The following WWOX variants were observed in gnomAD, a reference collection of about 807,000 sequenced individuals.
The protein encoded by WWOX is WW domain-containing oxidoreductase.
WWOX carries 69 observed loss-of-function variants against 46.2 expected under a neutral mutation model. That is an observed-to-expected ratio of 1.49 (90% CI 1.23 to 1.82). The LOEUF (loss-of-function observed/expected upper bound fraction) is 1.82, where lower values mean the gene tolerates loss of function less well. WWOX is among the 40% of genes most tolerant of loss of function. The pLI is 0.00. For synonymous variants in WWOX, 359 were observed against 202.6 expected, an observed-to-expected ratio of 1.77 and a Z score of -6.56; for missense variants, 919 against 542.6, an observed-to-expected ratio of 1.69 and a Z score of -6.89.
At chr16:78,839,184 A>G (rs1250090088) in intron 8 of WWOX, among the ~76,000 whole-genome samples, 1 of 152,206 alleles carries the variant, frequency 6.6e-6, no homozygotes, top group South Asian at 2.1e-4. Flanking sequence ...GAAAAATTCA[A>G]CAAGTAAATT....
chr16:79,005,669 C>G (rs9652678), intron 8 of WWOX, among the ~76,000 whole-genome samples: 13,545 of 152,134 alleles, frequency 0.089, 772 homozygotes, highest in Middle Eastern at 0.23. Context: ...CTTCAATGTT[C>G]TTCTTATAAG....
At chr16:78,508,323 T>G (rs1300014019) in intron 8 of WWOX, among the ~76,000 whole-genome samples, 2 of 18,510 alleles carry the variant, frequency 1.1e-4, no homozygotes, top group Non-Finnish European at 6.1e-4. Context: ...TTTTTTTTTT[T>G]TTTTTTTTTT....
chr16:78,490,524 C>T (rs188906471), intron 8 of WWOX, among the ~76,000 whole-genome samples: 14 of 152,246 alleles, frequency 9.2e-5, no homozygotes, highest in African/African-American at 2.6e-4. Context: ...GCGTTGTTTT[C>T]AATGCTGGGC....
At chr16:78,974,784 G>A (rs552573332) in intron 8 of WWOX, among the ~76,000 whole-genome samples, 2 of 152,232 alleles carry the variant, frequency 1.3e-5, no homozygotes, top group Non-Finnish European at 2.9e-5. Context: ...CTTCAGAATG[G>A]GATGTTTAGG....
chr16:79,211,362 C>A (rs1308825754), intron 8 of WWOX, among the ~76,000 whole-genome samples: 1 of 152,152 alleles, frequency 6.6e-6, no homozygotes, highest in African/African-American at 2.4e-5. Flanking sequence ...CCAAGCCTGT[C>A]CCTGTATGAG....
intron 8 of WWOX, among the ~76,000 whole-genome samples, chr16:78,930,770 A>G (rs1415983535): frequency 6.6e-6 from 1 of 152,128 alleles, no homozygotes; most frequent in African/African-American, 2.4e-5. Flanking sequence ...GCAAGGTTCC[A>G]CGGCACCTGT....
At position 78,422,684 on chromosome 16, in the gene WWOX, T is replaced by TATATAC. The variant is rs1263877025; in HGVS notation, c.606-2185_606-2184insTATACA. 4.0e-4 allele frequency among the ~76,000 whole-genome samples: 21 copies of TATATAC among 52,970 alleles called. 4 individuals carry two copies. The highest frequency in any genetic ancestry group is 1.9e-3 in the East Asian group (4 of 2,068). The allele number at this position is 52,970 out of a possible 152,430, so 34.8% of individuals were successfully genotyped here. On this transcript the variant is annotated intron_variant, in intron 6 of 8. Coordinates refer to ENST00000566780, the MANE Select transcript of WWOX (RefSeq NM_016373.4). Reference sequence around the variant, plus strand: ...ACATGTATATATATATATATATATATACACACACACACACACATATATATA... The same window carrying TATATAC: ...ACATGTATATATATATATATATATATATATACACACACACACACACACATATATATA...
intron 8 of WWOX, among the ~76,000 whole-genome samples, chr16:79,010,760 C>G (rs549187534): frequency 2.7e-4 from 40 of 149,288 alleles, no homozygotes; most frequent in South Asian, 1.3e-3. Context: ...GGGACATGGA[C>G]CCGATGCTGC....
At chr16:78,366,862 T>C (rs2081546048) in intron 5 of WWOX, among the ~76,000 whole-genome samples, 1 of 151,958 alleles carries the variant, frequency 6.6e-6, no homozygotes, top group Non-Finnish European at 1.5e-5. Context: ...ACTGTTCCTA[T>C]CATACGTGAC....
intron 8 of WWOX, among the ~76,000 whole-genome samples, chr16:79,011,334 A>C (rs572138421): frequency 3.4e-4 from 51 of 151,982 alleles, no homozygotes; most frequent in African/African-American, 1.2e-3. Flanking sequence ...TATGCCCTCT[A>C]CATTCAAATT....
intron 8 of WWOX, among the ~76,000 whole-genome samples, chr16:78,604,429 T>G (rs1240537746): frequency 6.6e-6 from 1 of 152,050 alleles, no homozygotes; most frequent in East Asian, 1.9e-4. Context: ...CGGTGCTGAG[T>G]GATGCTGTGA....
chr16:78,721,711 G>T (rs1483606581), intron 8 of WWOX, among the ~76,000 whole-genome samples: 5 of 152,214 alleles, frequency 3.3e-5, no homozygotes, highest in African/African-American at 4.8e-5. Flanking sequence ...TGGCTGGCCA[G>T]TAGCATCCTC....
chr16:78,220,388 GA>G lies in WWOX; in HGVS notation c.516+56101del, dbSNP rs772612294. ...TATTTATTCACTTTCAGTCATTACT[GA>G]AGTGAATAACAAACATATAACAATG... On this transcript the variant is annotated intron_variant, in intron 5 of 8. Transcript: ENST00000566780. Among the ~76,000 whole-genome samples the G allele has an allele frequency of 2.7e-3, 323 of 121,628 alleles. 3 individuals carry two copies. Among genetic ancestry groups the G allele is most frequent in the Non-Finnish European group, 4.6e-3 (273 of 59,822 alleles). The allele number at this position is 121,628 out of a possible 152,430, so 79.8% of individuals were successfully genotyped here. A position where few individuals can be genotyped will look rare whatever the true frequency, so the allele number is the denominator to read the frequency against.
chr16:79,053,430 A>G (rs1396107531), intron 8 of WWOX, among the ~76,000 whole-genome samples: 6 of 152,216 alleles, frequency 3.9e-5, no homozygotes, highest in African/African-American at 1.2e-4. Context: ...TTAGACTGCA[A>G]ATGAATATCC....
At chr16:78,859,754 T>G (rs2052672997) in intron 8 of WWOX, among the ~76,000 whole-genome samples, 1 of 152,172 alleles carries the variant, frequency 6.6e-6, no homozygotes, top group African/African-American at 2.4e-5. Context: ...TAATAGCTAT[T>G]GATGGTTATT....
At chr16:78,327,414 C>T (rs556187710) in intron 5 of WWOX, among the ~76,000 whole-genome samples, 2 of 152,116 alleles carry the variant, frequency 1.3e-5, no homozygotes, top group Non-Finnish European at 2.9e-5. Flanking sequence ...ACTGGACTCT[C>T]CAAGCCCCAG....
chr16:78,734,206 G>C (rs76929102), intron 8 of WWOX, among the ~76,000 whole-genome samples: 1 of 152,104 alleles, frequency 6.6e-6, no homozygotes, highest in Admixed American at 6.5e-5. Flanking sequence ...GGAATGTTAG[G>C]TGTTAAAGAC....
intron 8 of WWOX, among the ~76,000 whole-genome samples, chr16:78,518,313 C>G (rs948728852): frequency 1.3e-4 from 20 of 152,114 alleles, no homozygotes. Flanking sequence ...CTCACCGCAG[C>G]CTCCGCCTCC....
chr16:78,268,219 A>C (rs572237664), intron 5 of WWOX, among the ~76,000 whole-genome samples: 1 of 152,344 alleles, frequency 6.6e-6, no homozygotes, highest in South Asian at 2.1e-4. Flanking sequence ...TACAAATAAA[A>C]GGGAAAATAT....
Sources: allele counts gnomAD v4.1 joint callset (sites outside exome capture counted in the v4.1 genomes callset), GRCh38; gene constraint gnomAD v4.1.1; transcripts MANE v1.5; gene names NCBI Gene and HGNC (gene_info 2026-07-23, HGNC 2026-07-21).